The following PAQR5 variants were observed in gnomAD, a reference collection of about 807,000 sequenced individuals.
The protein encoded by PAQR5 is progestin and adipoQ receptor family member 5.
In PAQR5, 20 loss-of-function variants were observed where a neutral mutation model predicts 34.5. The ratio of observed to expected loss-of-function variants is 0.58; its 90% CI spans 0.41 to 0.84. The LOEUF (loss-of-function observed/expected upper bound fraction) is 0.84, where lower values mean the gene tolerates loss of function less well. Ranked by LOEUF, PAQR5 falls within the 40% of genes least tolerant of loss-of-function variation. The probability of loss-of-function intolerance (pLI) is 0.00; values close to 1 mark genes in which losing one functional copy is unlikely to be tolerated. For synonymous variants in PAQR5, 131 were observed against 155.6 expected (o/e 0.84, Z 1.18); for missense variants, 378 against 412.7 (o/e 0.92, Z 0.73).
At chr15:69,348,340 G>A (rs2054825872) in intron 2 of PAQR5, among the ~76,000 whole-genome samples, 1 of 152,162 alleles carries the variant, frequency 6.6e-6, no homozygotes, top group Non-Finnish European at 1.5e-5. Flanking sequence ...TTACAAATGG[G>A]GAAACTGAAG....
At chr15:69,331,364 T>C (rs1436901556) in intron 1 of PAQR5, among the ~76,000 whole-genome samples, 1 of 152,190 alleles carries the variant, frequency 6.6e-6, no homozygotes, top group East Asian at 1.9e-4. Flanking sequence ...GAGAGACTTA[T>C]CCTCAATCTG....
rs983618591 is a variant in PAQR5, at chr15:69,314,977, C to T, written c.-277+15921C>T. On this transcript the variant is annotated intron_variant, in intron 1 of 8. Transcript: ENST00000395407. ...TCGCTGTCTGGGCGCCTGCTGGTGC[C>T]GGGCACTCTATTAAATGTGATCTTA... is the stretch of plus-strand genomic sequence containing the variant. Among the ~76,000 whole-genome samples, 6 of 152,166 alleles carry T rather than the reference C, an allele frequency of 3.9e-5. No individual in the cohort carries two copies. In the East Asian group the frequency reaches 9.7e-4, roughly 25 times the overall value.
At chr15:69,357,590 G>T (rs1475865921) in intron 2 of PAQR5, among the ~76,000 whole-genome samples, 5 of 152,180 alleles carry the variant, frequency 3.3e-5, no homozygotes, top group Non-Finnish European at 7.3e-5. Context: ...AGCAATGCAA[G>T]AATGGACTGA....
At chr15:69,382,798 GACCATATATATATATATATATATATA>G (rs1478443440) in intron 4 of PAQR5, 9 of 6,462 alleles carry the variant, frequency 1.4e-3, no homozygotes, top group South Asian at 4.6e-3. Context: ...ATATATATAT[GACCATATATATATATATATATATATA>G]TATATATATA....
At chr15:69,386,307 ACACT>A (rs1254100694) in intron 5 of PAQR5, among the ~76,000 whole-genome samples, 4 of 151,200 alleles carry the variant, frequency 2.6e-5, no homozygotes, top group African/African-American at 9.7e-5. Flanking sequence ...GCTCACTCAC[ACACT>A]CTCACACACA....
At chr15:69,354,280 G>C (rs969206271) in intron 2 of PAQR5, among the ~76,000 whole-genome samples, 5 of 152,118 alleles carry the variant, frequency 3.3e-5, no homozygotes, top group Admixed American at 2.0e-4. Flanking sequence ...CAGAACCAAG[G>C]ACTGTAATTG....
intron 1 of PAQR5, among the ~76,000 whole-genome samples, chr15:69,322,525 C>A (rs867410472): frequency 6.9e-6 from 1 of 145,054 alleles, no homozygotes; most frequent in South Asian, 2.2e-4. Flanking sequence ...GTGGCGTGTG[C>A]GTGTGGTCCA....
At chr15:69,308,437 C>T (rs1481705618) in intron 1 of PAQR5, among the ~76,000 whole-genome samples, 1 of 152,156 alleles carries the variant, frequency 6.6e-6, no homozygotes, top group African/African-American at 2.4e-5. Context: ...TCACCTTGGC[C>T]CTGCTGACAT....
chr15:69,348,290 A>G (rs1158188124), intron 2 of PAQR5, among the ~76,000 whole-genome samples: 1 of 152,252 alleles, frequency 6.6e-6, no homozygotes, highest in African/African-American at 2.4e-5. Flanking sequence ...TCTCTTAAGT[A>G]TAAGAAGGAC....
At chr15:69,358,745 T>C (rs2055149990) in intron 2 of PAQR5, among the ~76,000 whole-genome samples, 1 of 149,316 alleles carries the variant, frequency 6.7e-6, no homozygotes, top group Non-Finnish European at 1.5e-5. Flanking sequence ...GATCTCACTT[T>C]AGCCCGCCCT....
In PAQR5 at chr15:69,397,536, C is replaced by A. The variant is rs149124744; in HGVS notation, c.581C>A (p.Thr194Asn). Residue 194 changes from threonine (T) to asparagine (N), a missense_variant, in exon 7 of 9, where the codon ACC (threonine) becomes AAC (asparagine). By Grantham distance (65) the Thr-to-Asn change is moderately conservative (BLOSUM62 0). Coordinates refer to ENST00000395407, the MANE Select transcript of PAQR5 (RefSeq NM_017705.4). The part of the protein sequence containing the change: ...IRVLAFAYPY[T>N]WDSLPIFYRL... ...GTCCTCGCCTTTGCTTATCCGTACA[C>A]CTGGGACTCCCTCCCCATCTTCTAC... 73 of 1,611,526 alleles carry A rather than the reference C, an allele frequency of 4.5e-5. No homozygotes were observed. Among genetic ancestry groups the A allele is most frequent in the Non-Finnish European group, 5.1e-6 (6 of 1,177,664 alleles).
intron 1 of PAQR5, among the ~76,000 whole-genome samples, chr15:69,306,970 T>C (rs1478716007): frequency 1.3e-5 from 2 of 152,246 alleles, no homozygotes; most frequent in African/African-American, 4.8e-5. Flanking sequence ...CTAATTTCAC[T>C]TAGCATAGTG....
chr15:69,308,459 T>C (rs1405828191), intron 1 of PAQR5, among the ~76,000 whole-genome samples: 1 of 152,164 alleles, frequency 6.6e-6, no homozygotes, highest in Non-Finnish European at 1.5e-5. Flanking sequence ...TTGGGCCAGA[T>C]AATTCTTTGT....
chr15:69,319,197 A>G (rs930129331), intron 1 of PAQR5, among the ~76,000 whole-genome samples: 5 of 49,184 alleles, frequency 1.0e-4, no homozygotes, highest in Non-Finnish European at 1.9e-4. Context: ...ATATATATAT[A>G]TATATATATA....
rs79531960 is a variant in PAQR5, at chr15:69,393,101, G to A, written c.512+3321G>A. 6.6e-3 allele frequency among the ~76,000 whole-genome samples: 1,002 copies of A among 152,282 alleles called. 5 individuals carry two copies. Among genetic ancestry groups the A allele is most frequent in the Middle Eastern group, 0.027 (8 of 294 alleles). ...CTGAAGTGGGAGCTGAGGGGAGAGG[G>A]AGGTGAGGGGCTATGTTGGAATCAA... On this transcript the variant is annotated intron_variant, in intron 6 of 8. Coordinates refer to ENST00000395407, the MANE Select transcript of PAQR5 (RefSeq NM_017705.4).
At chr15:69,317,406 C>A (rs1236665712) in intron 1 of PAQR5, among the ~76,000 whole-genome samples, 1 of 152,176 alleles carries the variant, frequency 6.6e-6, no homozygotes. Flanking sequence ...CCTTCTCTGA[C>A]CCCTAGTACC....
chr15:69,300,702 C>CTCTTTCTT (rs1220750135), intron 1 of PAQR5, among the ~76,000 whole-genome samples: 1 of 6,518 alleles, frequency 1.5e-4, no homozygotes, highest in Admixed American at 2.9e-3. Context: ...CTCTCTCTCT[C>CTCTTTCTT]TCTTTCTTTC....
chr15:69,305,088 G>A (rs76010956), intron 1 of PAQR5, among the ~76,000 whole-genome samples: 3,898 of 152,144 alleles, frequency 0.026, 177 homozygotes, highest in African/African-American at 0.088. Flanking sequence ...ATTGACTTTC[G>A]GTACCGGATA....
intron 1 of PAQR5, among the ~76,000 whole-genome samples, chr15:69,324,328 C>T (rs891167455): frequency 6.6e-6 from 1 of 152,068 alleles, no homozygotes; most frequent in African/African-American, 2.4e-5. Context: ...GGGCAGAAGG[C>T]ACAGGAGAGA....
Sources: gnomAD v4.1 joint callset for allele counts (sites outside exome capture counted in the v4.1 genomes callset) on GRCh38, gnomAD v4.1.1 for gene constraint, MANE v1.5 for transcripts, NCBI Gene and HGNC (gene_info 2026-07-23, HGNC 2026-07-21) for gene names.